The following SLCO3A1 variants were observed in gnomAD, a reference collection of about 807,000 sequenced individuals.
SLCO3A1 encodes the protein solute carrier organic anion transporter family member 3A1.
Under a neutral mutation model 63.1 loss-of-function variants are expected in SLCO3A1, and 27 were observed. The observed-to-expected ratio is 0.43, with a 90% confidence interval of 0.32 to 0.59. The LOEUF (loss-of-function observed/expected upper bound fraction) is 0.59. Ranked by LOEUF, SLCO3A1 falls within the 20% of genes least tolerant of loss-of-function variation. SLCO3A1 has a pLI of 0.09. For missense variants in SLCO3A1, 773 were observed against 945.8 expected, an observed-to-expected ratio of 0.82 and a Z score of 2.40; for synonymous variants, 473 against 409.9, an observed-to-expected ratio of 1.15 and a Z score of -1.86.
intron 1 of SLCO3A1, among the ~76,000 whole-genome samples, chr15:91,906,474 TC>T (rs2151373452): frequency 6.6e-6 from 1 of 152,356 alleles, no homozygotes; most frequent in East Asian, 1.9e-4. Context: ...TAAAGGATTT[TC>T]AATGCATTTG....
chr15:91,982,754 G>A (rs1375381823), intron 2 of SLCO3A1, among the ~76,000 whole-genome samples: 1 of 152,238 alleles, frequency 6.6e-6, no homozygotes, highest in Non-Finnish European at 1.5e-5. Context: ...TGGGTGGGAG[G>A]ACAGGTGTTG....
rs868731354 is a variant in SLCO3A1, at chr15:92,047,610, T to A, written c.647-47271T>A. Among the ~76,000 whole-genome samples the A allele has an allele frequency of 2.6e-3, 94 of 36,698 alleles. 15 individuals are homozygous for A. Among genetic ancestry groups the A allele is most frequent in the African/African-American group, 5.3e-3 (87 of 16,516 alleles). 24.1% of individuals were successfully genotyped at this position (36,698 alleles called of 152,430 possible). A position where few individuals can be genotyped will look rare whatever the true frequency, so the allele number is the denominator to read the frequency against. ...ATATATATAATATATAATATATATA[T>A]AATATATAAATATATATATAAATAT... On this transcript the variant is annotated intron_variant, in intron 2 of 9. Transcript: ENST00000318445.
At chr15:92,139,707 G>C (rs572037400) in intron 7 of SLCO3A1, among the ~76,000 whole-genome samples, 1 of 152,330 alleles carries the variant, frequency 6.6e-6, no homozygotes, top group South Asian at 2.1e-4. Flanking sequence ...AGTCTCAGGA[G>C]AGTGTATGTG....
At chr15:91,928,139 A>G (rs1184408831) in intron 2 of SLCO3A1, among the ~76,000 whole-genome samples, 1 of 152,210 alleles carries the variant, frequency 6.6e-6, no homozygotes, top group Non-Finnish European at 1.5e-5. Flanking sequence ...TAATACTAGG[A>G]TTCATTACTA....
intron 7 of SLCO3A1, among the ~76,000 whole-genome samples, chr15:92,136,868 A>G (rs2151576731): frequency 6.6e-6 from 1 of 152,076 alleles, no homozygotes; most frequent in Admixed American, 6.5e-5. Context: ...TTTTCAGTTA[A>G]TAGTTTACCT....
chr15:92,068,913 C>A (rs1364971394), intron 2 of SLCO3A1, among the ~76,000 whole-genome samples: 2 of 152,178 alleles, frequency 1.3e-5, no homozygotes, highest in Non-Finnish European at 2.9e-5. Context: ...ACCTGTAACA[C>A]GCTGGGTCAC....
Position 92,094,986 on chromosome 15 carries a change from AAT to A in SLCO3A1, c.745+12_745+13del. ...GCGGTCTTCATTGACACAAGTAAGG[AAT>A]ATATCTCCATGTCTACCTTCCATCC... On this transcript the variant is annotated splice_region_variant and intron_variant, in intron 3 of 9. Coordinates refer to ENST00000318445, the MANE Select transcript of SLCO3A1 (RefSeq NM_013272.4). 1 of 1,556,692 alleles carries A rather than the reference AAT, an allele frequency of 6.4e-7. No individual in the cohort carries two copies. The highest frequency in any genetic ancestry group is 8.9e-7 in the Non-Finnish European group (1 of 1,127,524).
intron 2 of SLCO3A1, among the ~76,000 whole-genome samples, chr15:92,031,252 CAA>C (rs1472282252): frequency 4.0e-5 from 6 of 151,872 alleles, no homozygotes; most frequent in Non-Finnish European, 8.8e-5. Flanking sequence ...GGAGTTTTTT[CAA>C]AGAGATGACT....
chr15:92,024,963 A>G (rs989556115), intron 2 of SLCO3A1, among the ~76,000 whole-genome samples: 4 of 151,972 alleles, frequency 2.6e-5, no homozygotes, highest in African/African-American at 9.7e-5. Flanking sequence ...CTGTTCATCC[A>G]TTCATCCATC....
Position 91,854,054 on chromosome 15 carries a change from T to G in SLCO3A1, c.146T>G (p.Leu49Arg). ...ATCTTCCTGGTGTCCGAGTGCGCCC[T>G]GATGCTGGCGCAGGGCACGGTGGGC... ...IKIFLVSECA[L>R]MLAQGTVGAY... The change falls in exon 1 of 10, where the codon CTG (leucine) becomes CGG (arginine). Residue 49 changes from leucine (L) to arginine (R), a missense_variant. Coordinates refer to ENST00000318445, the MANE Select transcript of SLCO3A1 (RefSeq NM_013272.4). This position sits in a 1 kb window ranked among gnomAD's most constrained non-coding sequence, Gnocchi z 6.4. 6.5e-7 allele frequency: 1 copy of G among 1,535,710 alleles called. No individual in the cohort carries two copies. The highest frequency in any genetic ancestry group is 8.8e-7 in the Non-Finnish European group (1 of 1,138,830).
chr15:92,072,131 C>G (rs1567103551), intron 2 of SLCO3A1, among the ~76,000 whole-genome samples: 1 of 151,812 alleles, frequency 6.6e-6, no homozygotes, highest in Non-Finnish European at 1.5e-5. Flanking sequence ...TTGGATGGTG[C>G]AAAATGGAGG....
intron 2 of SLCO3A1, among the ~76,000 whole-genome samples, chr15:92,019,092 A>G (rs2046474878): frequency 6.6e-6 from 1 of 152,010 alleles, no homozygotes; most frequent in Non-Finnish European, 1.5e-5. Flanking sequence ...CGCGGTTCCT[A>G]ATGGTAGCAT....
At chr15:92,117,574 C>G (rs74030491) in intron 4 of SLCO3A1, among the ~76,000 whole-genome samples, 1 of 152,146 alleles carries the variant, frequency 6.6e-6, no homozygotes, top group Non-Finnish European at 1.5e-5. Context: ...CATAAACCAC[C>G]GGGACATTCA....
Position 92,007,333 on chromosome 15 carries a change from T to A in SLCO3A1, c.647-87548T>A, listed in dbSNP as rs12912997. Among the ~76,000 whole-genome samples, 6 of 152,178 alleles carry A rather than the reference T, an allele frequency of 3.9e-5. No homozygotes were observed. The East Asian group carries it at 7.7e-4, about 20-fold the overall frequency. On this transcript the variant is annotated intron_variant, in intron 2 of 9. Coordinates refer to ENST00000318445, the MANE Select transcript of SLCO3A1 (RefSeq NM_013272.4). ...GACAGCTTTCTACCATGGCAGACTCTGAGCTTGAGTTGAAGGGACATTGGA... is the reference window on the plus strand; with the variant it reads ...GACAGCTTTCTACCATGGCAGACTCAGAGCTTGAGTTGAAGGGACATTGGA...
chr15:91,893,923 T>G (rs553309038), intron 1 of SLCO3A1, among the ~76,000 whole-genome samples: 1 of 152,178 alleles, frequency 6.6e-6, no homozygotes, highest in Non-Finnish European at 1.5e-5. Flanking sequence ...AAGCACACAG[T>G]GAACAGGACA....
intron 2 of SLCO3A1, among the ~76,000 whole-genome samples, chr15:92,055,207 G>C (rs1388454211): frequency 6.6e-6 from 1 of 152,094 alleles, no homozygotes; most frequent in East Asian, 1.9e-4. Context: ...CAGTGATGTT[G>C]AGCTTTTTTT....
At chr15:91,956,670 G>A (rs1455037209) in intron 2 of SLCO3A1, among the ~76,000 whole-genome samples, 3 of 151,472 alleles carry the variant, frequency 2.0e-5, no homozygotes, top group East Asian at 3.9e-4. Flanking sequence ...TAAAACCCCC[G>A]ACACCATTTG....
chr15:92,139,511 C>T (rs549544049), intron 7 of SLCO3A1, among the ~76,000 whole-genome samples: 1 of 152,026 alleles, frequency 6.6e-6, no homozygotes, highest in East Asian at 1.9e-4. Flanking sequence ...AGGGAGGATT[C>T]CCTCTTTTTC....
chr15:92,027,423 C>T (rs1321718446), intron 2 of SLCO3A1, among the ~76,000 whole-genome samples: 1 of 152,328 alleles, frequency 6.6e-6, no homozygotes, highest in Non-Finnish European at 1.5e-5. Flanking sequence ...GTACCGTCAT[C>T]GTTTTTTTCG....
Sources: gnomAD v4.1 joint callset for allele counts (sites outside exome capture counted in the v4.1 genomes callset) on GRCh38, gnomAD v4.1.1 for gene constraint, Gnocchi (gnomAD v3.1) non-coding constraint, MANE v1.5 for transcripts, NCBI Gene and HGNC (gene_info 2026-07-23, HGNC 2026-07-21) for gene names.